ERC2: variants seen among roughly 807,000 people sequenced by gnomAD.
The protein encoded by ERC2 is ELKS/RAB6-interacting/CAST family member 2.
Under a neutral mutation model 114.8 loss-of-function variants are expected in ERC2, and 42 were observed. That is an observed-to-expected ratio of 0.37 (90% CI 0.29 to 0.47). ERC2 has a LOEUF of 0.47. Among genes scored for constraint, ERC2 ranks in the 20% least tolerant of loss-of-function variants. ERC2 has a pLI of 0.99. For missense variants in ERC2, 939 were observed against 1,150.7 expected (o/e 0.82, Z 2.66); for synonymous variants, 454 against 425.5 (o/e 1.07, Z -0.82).
intron 14 of ERC2, among the ~76,000 whole-genome samples, chr3:55,757,643 A>T (rs551077098): frequency 6.6e-6 from 1 of 152,268 alleles, no homozygotes; most frequent in Non-Finnish European, 1.5e-5. Context: ...ATATATAAAG[A>T]GCTTAACACA....
At chr3:56,447,246 A>G (rs1253207610) in intron 1 of ERC2, among the ~76,000 whole-genome samples, 1 of 152,258 alleles carries the variant, frequency 6.6e-6, no homozygotes, top group Non-Finnish European at 1.5e-5. Flanking sequence ...CACAGAGGGC[A>G]CGCACAGCAT....
chr3:56,351,683 G>A (rs1223061152), intron 2 of ERC2, among the ~76,000 whole-genome samples: 2 of 152,186 alleles, frequency 1.3e-5, no homozygotes, highest in African/African-American at 4.8e-5. Flanking sequence ...TTTGTTGGAG[G>A]AGGTGGCAGA....
At chr3:55,955,383 C>A (rs1002468283) in intron 12 of ERC2, among the ~76,000 whole-genome samples, 1 of 152,094 alleles carries the variant, frequency 6.6e-6, no homozygotes, top group Non-Finnish European at 1.5e-5. Flanking sequence ...ATTGCCATCA[C>A]CCTGCCTCAT....
At chr3:55,697,464 T>G (rs2062992354) in intron 16 of ERC2, among the ~76,000 whole-genome samples, 1 of 152,172 alleles carries the variant, frequency 6.6e-6, no homozygotes, top group Non-Finnish European at 1.5e-5. Flanking sequence ...CACCACCCTA[T>G]GACAAACTCT....
chr3:56,281,608 G>C (rs1024192194), intron 3 of ERC2, among the ~76,000 whole-genome samples: 5 of 152,114 alleles, frequency 3.3e-5, no homozygotes, highest in African/African-American at 1.2e-4. Context: ...ACAGTCTTGA[G>C]AGAAGACAGA....
In ERC2 at chr3:55,543,808, C is replaced by T. The variant is rs188757360; in HGVS notation, c.*40-32532G>A. Reference sequence around the variant, plus strand: ...TCTACGTCCCTCTTCTCTGGTTCCTCGGAACTACAGCTTGCATGTCATGGC... The same window carrying T: ...TCTACGTCCCTCTTCTCTGGTTCCTTGGAACTACAGCTTGCATGTCATGGC... On this transcript the variant is annotated intron_variant, in intron 17 of 17. Transcript: ENST00000288221. 2.4e-3 allele frequency among the ~76,000 whole-genome samples: 358 copies of T among 152,244 alleles called. 3 individuals carry two copies. The highest frequency in any genetic ancestry group is 3.7e-3 in the Non-Finnish European group (253 of 68,010).
chr3:55,845,278 G>A (rs2061307065), intron 14 of ERC2, among the ~76,000 whole-genome samples: 1 of 152,126 alleles, frequency 6.6e-6, no homozygotes. Flanking sequence ...GCCGAGGCGG[G>A]CGGATCACGA....
chr3:56,434,287 G>A (rs2061921870), intron 2 of ERC2, 64 bp downstream of exon 2: 2 of 1,496,142 alleles, frequency 1.3e-6, no homozygotes, highest in Non-Finnish European at 1.8e-6. Flanking sequence ...GGTACCATCT[G>A]CAAAGCATCA....
At chr3:56,162,145 A>G (rs930582974) in intron 4 of ERC2, among the ~76,000 whole-genome samples, 5 of 152,102 alleles carry the variant, frequency 3.3e-5, no homozygotes, top group African/African-American at 1.2e-4. Context: ...AGATTATCAT[A>G]TGGTTTTTGT....
intron 7 of ERC2, among the ~76,000 whole-genome samples, chr3:56,044,277 T>C (rs1360784412): frequency 6.6e-6 from 1 of 152,176 alleles, no homozygotes; most frequent in Non-Finnish European, 1.5e-5. Context: ...TATAAAACTG[T>C]GCTATTTAAA....
intron 4 of ERC2, among the ~76,000 whole-genome samples, chr3:56,170,604 T>TTGG: frequency 7.5e-6 from 1 of 133,234 alleles, no homozygotes; most frequent in Non-Finnish European, 1.6e-5. Context: ...TTTTTTTTTT[T>TTGG]TTTTTTTTTT....
chr3:55,527,855 T>G (rs2053428759), intron 17 of ERC2, among the ~76,000 whole-genome samples: 1 of 152,198 alleles, frequency 6.6e-6, no homozygotes, highest in Admixed American at 6.5e-5. Flanking sequence ...TCAACTCCCC[T>G]TTTCTGATCT....
At chr3:55,690,428 G>C (rs947299983) in intron 16 of ERC2, among the ~76,000 whole-genome samples, 2 of 152,204 alleles carry the variant, frequency 1.3e-5, no homozygotes, top group Admixed American at 1.3e-4. Flanking sequence ...GGGAGCTAAA[G>C]TGCTGCCTCT....
chr3:55,576,114 C>T (rs2056967666), intron 17 of ERC2, among the ~76,000 whole-genome samples: 1 of 152,006 alleles, frequency 6.6e-6, no homozygotes, highest in African/African-American at 2.4e-5. Context: ...AGTTTGAGAC[C>T]AGCCTGGCCA....
intron 17 of ERC2, among the ~76,000 whole-genome samples, chr3:55,577,758 A>G (rs2057058480): frequency 6.6e-6 from 1 of 152,068 alleles, no homozygotes; most frequent in African/African-American, 2.4e-5. Flanking sequence ...CTCCCTAATA[A>G]CAAAGACTAG....
At chr3:55,721,890 T>C (rs961117502) in intron 15 of ERC2, among the ~76,000 whole-genome samples, 5 of 152,194 alleles carry the variant, frequency 3.3e-5, no homozygotes, top group Non-Finnish European at 5.9e-5. Context: ...CAGAGCCACC[T>C]TTCTGGTTGG....
chr3:55,678,403 AACT>A (rs1429806942), intron 17 of ERC2, among the ~76,000 whole-genome samples: 1 of 152,092 alleles, frequency 6.6e-6, no homozygotes, highest in East Asian at 1.9e-4. Context: ...TCTCAGGGGG[AACT>A]ACAAGAGCCA....
chr3:55,687,198 C>T (rs1167814202), intron 16 of ERC2, among the ~76,000 whole-genome samples: 1 of 152,122 alleles, frequency 6.6e-6, no homozygotes, highest in Non-Finnish European at 1.5e-5. Context: ...ACTGAGTCAT[C>T]GTTGACAAGA....
chr3:56,100,898 A>G (rs983685208), intron 6 of ERC2, among the ~76,000 whole-genome samples: 4 of 152,198 alleles, frequency 2.6e-5, no homozygotes, highest in African/African-American at 9.6e-5. Context: ...AGACGGAATT[A>G]CAAGGAAAGG....
Sources: gnomAD v4.1 joint callset for allele counts (sites outside exome capture counted in the v4.1 genomes callset) on GRCh38, gnomAD v4.1.1 for gene constraint, MANE v1.5 for transcripts, NCBI Gene and HGNC (gene_info 2026-07-23, HGNC 2026-07-21) for gene names.